The following BCAS3 variants were observed in gnomAD, a reference collection of about 807,000 sequenced individuals.
BCAS3 encodes BCAS3 microtubule associated cell migration factor, also known as BCAS4/BCAS3 fusion.
Under a neutral mutation model 116.1 loss-of-function variants are expected in BCAS3, and 53 were observed. The ratio of observed to expected loss-of-function variants is 0.46; its 90% CI spans 0.37 to 0.57. BCAS3 has a LOEUF of 0.57. Ranked by LOEUF, BCAS3 falls within the 20% of genes least tolerant of loss-of-function variation. The pLI, the probability that BCAS3 is intolerant of heterozygous loss-of-function variation, is 0.00. For synonymous variants in BCAS3, 391 were observed against 408.2 expected (o/e 0.96, Z 0.51); for missense variants, 917 against 1,165.4 (o/e 0.79, Z 3.10).
At chr17:60,720,252 C>G (rs538128274) in intron 5 of BCAS3, 1 of 152,300 alleles carries the variant, frequency 6.6e-6, no homozygotes, top group Non-Finnish European at 1.5e-5. Flanking sequence ...CTCAGCCTCC[C>G]GAGTAGCTGG....
rs1336016935 is a variant in BCAS3, at chr17:61,213,877, C to G, written c.2425+129313C>G. ...GAAATCTTGAACTTTGCCTTCTGCC[C>G]TTTTGTATTTGTCCCAGGGTAGCAG... On this transcript the variant is annotated intron_variant, in intron 22 of 23. Transcript: ENST00000407086. This position sits in a 1 kb window ranked among gnomAD's most constrained non-coding sequence, Gnocchi z 5.4. Among the ~76,000 whole-genome samples the G allele has an allele frequency of 2.6e-5, 4 of 152,064 alleles. No individual in the cohort carries two copies. The highest frequency in any genetic ancestry group is 9.7e-5 in the African/African-American group (4 of 41,388).
At chr17:61,070,123 T>C in intron 19 of BCAS3, 1 of 1,573,056 alleles carries the variant, frequency 6.4e-7, no homozygotes, top group Non-Finnish European at 8.7e-7. Context: ...GACCACTGAG[T>C]CTGCCATGAA....
At chr17:60,787,239 C>A (rs1418223744) in intron 6 of BCAS3, among the ~76,000 whole-genome samples, 1 of 152,082 alleles carries the variant, frequency 6.6e-6, no homozygotes, top group Non-Finnish European at 1.5e-5. Flanking sequence ...GTAATCTATA[C>A]CCCTGTAAAG....
rs1568850207 is a variant in BCAS3, at chr17:61,322,808, G to GAGAGAGAC, written c.2426-45512_2426-45511insCAGAGAGA. ...AGAGAGAGAGACAGAGAGAGAGAGA[G>GAGAGAGAC]AGAGAGAGAGAGAGAGAGAGACAGA... On this transcript the variant is annotated intron_variant, in intron 22 of 23. Coordinates refer to ENST00000407086, the MANE Select transcript of BCAS3 (RefSeq NM_017679.5). Among the ~76,000 whole-genome samples, 154 of 129,026 alleles carry GAGAGAGAC rather than the reference G, an allele frequency of 1.2e-3. 2 individuals are homozygous for GAGAGAGAC. The highest frequency in any genetic ancestry group is 6.7e-3 in the East Asian group (32 of 4,778). The allele number at this position is 129,026 out of a possible 152,430, so 84.6% of individuals were successfully genotyped here.
intron 12 of BCAS3, among the ~76,000 whole-genome samples, chr17:60,922,124 A>C (rs2145150178): frequency 6.6e-6 from 1 of 152,208 alleles, no homozygotes; most frequent in South Asian, 2.1e-4. Context: ...TGAAAGAAGA[A>C]ATTTTAGCTC....
Position 61,388,730 on chromosome 17 carries a change from TGCC to T in BCAS3, c.2594-3244_2594-3242del. 3.3e-6 allele frequency: 5 copies of T among 1,538,010 alleles called. No homozygotes were observed. Among genetic ancestry groups the T allele is most frequent in the Non-Finnish European group, 3.5e-6 (4 of 1,148,608 alleles). On this transcript the variant is annotated intron_variant, in intron 23 of 23. Coordinates refer to ENST00000407086, the MANE Select transcript of BCAS3 (RefSeq NM_017679.5). This position sits in a 1 kb window ranked among gnomAD's most constrained non-coding sequence, Gnocchi z 6.5. ...GAAGGTAAGGCCACACGTTTCCATT[TGCC>T]GCTTGCTCGTAGGGCTGGGCGGCCG...
chr17:60,825,992 G>A (rs1338993038), intron 7 of BCAS3, among the ~76,000 whole-genome samples: 1 of 151,470 alleles, frequency 6.6e-6, no homozygotes, highest in Non-Finnish European at 1.5e-5. Context: ...CAAGTAGCTG[G>A]GATTACAGGA....
intron 11 of BCAS3, 71 bp downstream of exon 11, chr17:60,902,774 T>C (rs2057980685): frequency 8.2e-7 from 1 of 1,224,728 alleles, no homozygotes; most frequent in African/African-American, 1.5e-5. Flanking sequence ...TCCTGAATTA[T>C]ATTTTCTATT....
At chr17:60,969,718 A>C (rs1441228658) in intron 14 of BCAS3, among the ~76,000 whole-genome samples, 1 of 152,228 alleles carries the variant, frequency 6.6e-6, no homozygotes, top group African/African-American at 2.4e-5. Flanking sequence ...AACAAAAACC[A>C]TGTCAAAGGA....
intron 22 of BCAS3, among the ~76,000 whole-genome samples, chr17:61,291,062 G>A (rs1336457415): frequency 6.6e-6 from 1 of 152,018 alleles, no homozygotes; most frequent in Non-Finnish European, 1.5e-5. Context: ...TTACAGACGT[G>A]AGCCACCGCG....
intron 22 of BCAS3, among the ~76,000 whole-genome samples, chr17:61,240,076 G>T (rs933419424): frequency 3.3e-5 from 5 of 152,130 alleles, no homozygotes; most frequent in Non-Finnish European, 7.3e-5. Context: ...GCATCTTGTA[G>T]ATGTTTGAGA....
chr17:60,962,333 C>T lies in BCAS3; in HGVS notation c.1221+14981C>T, dbSNP rs75157309. On this transcript the variant is annotated intron_variant, in intron 14 of 23. Coordinates refer to ENST00000407086, the MANE Select transcript of BCAS3 (RefSeq NM_017679.5). This position sits in a 1 kb window ranked among gnomAD's most constrained non-coding sequence, Gnocchi z 4.4. Reference sequence around the variant, plus strand: ...TGCAAGGGTCTCTTCTCCACATTCTCACCAGCATCTTTTATTGATTGTCCT... The same window carrying T: ...TGCAAGGGTCTCTTCTCCACATTCTTACCAGCATCTTTTATTGATTGTCCT... 4.5e-4 allele frequency among the ~76,000 whole-genome samples: 68 copies of T among 152,306 alleles called. 1 individual carries two copies. Among genetic ancestry groups the T allele is most frequent in the African/African-American group, 1.5e-3 (64 of 41,578 alleles).
intron 22 of BCAS3, among the ~76,000 whole-genome samples, chr17:61,318,861 C>A (rs550976202): frequency 6.6e-6 from 1 of 152,138 alleles, no homozygotes; most frequent in African/African-American, 2.4e-5. Flanking sequence ...TGATAATAGC[C>A]GCAGCTATAT....
At chr17:61,053,316 G>C (rs1428270534) in intron 19 of BCAS3, among the ~76,000 whole-genome samples, 2 of 152,068 alleles carry the variant, frequency 1.3e-5, no homozygotes, top group African/African-American at 4.8e-5. Flanking sequence ...CTAATATAAA[G>C]CCATGCATTT....
chr17:60,868,148 C>G (rs1200367117), intron 7 of BCAS3, among the ~76,000 whole-genome samples: 2 of 151,850 alleles, frequency 1.3e-5, no homozygotes, highest in Non-Finnish European at 2.9e-5. Context: ...CTCAGCCTCC[C>G]AGAGAAGCTG....
intron 22 of BCAS3, among the ~76,000 whole-genome samples, chr17:61,102,436 A>G (rs2074383758): frequency 6.6e-6 from 1 of 152,182 alleles, no homozygotes; most frequent in African/African-American, 2.4e-5. Flanking sequence ...TTTCACGTGC[A>G]TTATCACCTG....
chr17:61,100,546 C>T (rs2074260140), intron 22 of BCAS3, among the ~76,000 whole-genome samples: 1 of 151,998 alleles, frequency 6.6e-6, no homozygotes, highest in Non-Finnish European at 1.5e-5. Flanking sequence ...TTATGTGTAC[C>T]ATCTGATATT....
intron 6 of BCAS3, among the ~76,000 whole-genome samples, chr17:60,786,944 GC>G (rs1429378401): frequency 1.3e-5 from 2 of 152,038 alleles, no homozygotes; most frequent in African/African-American, 2.4e-5. Context: ...AAAAGTTCAA[GC>G]CTTCATAAAG....
chr17:60,731,119 T>G (rs190619144), intron 5 of BCAS3, among the ~76,000 whole-genome samples: 30 of 152,382 alleles, frequency 2.0e-4, no homozygotes, highest in Non-Finnish European at 4.1e-4. Context: ...TAAATCTTCT[T>G]TTTAAGGAAC....
Sources: allele counts gnomAD v4.1 joint callset (sites outside exome capture counted in the v4.1 genomes callset), GRCh38; gene constraint gnomAD v4.1.1; non-coding constraint Gnocchi (gnomAD v3.1); transcripts MANE v1.5; gene names NCBI Gene and HGNC (gene_info 2026-07-23, HGNC 2026-07-21).